Variants in GALNT13 observed in about 807,000 individuals in gnomAD.
GALNT13 encodes the protein polypeptide N-acetylgalactosaminyltransferase 13.
Under a neutral mutation model 64.2 loss-of-function variants are expected in GALNT13, and 28 were observed. The observed-to-expected ratio is 0.44, with a 90% CI of 0.32 to 0.60. The LOEUF is 0.60. Ranked by LOEUF, GALNT13 falls within the 20% of genes least tolerant of loss-of-function variation. The pLI, the probability that GALNT13 is intolerant of heterozygous loss-of-function variation, is 0.05. For missense variants in GALNT13, 577 were observed against 669.8 expected (o/e 0.86, Z 1.53); for synonymous variants, 214 against 224.6 (o/e 0.95, Z 0.42).
In GALNT13 at chr2:154,269,535, A is replaced by G. The variant is rs553136360; in HGVS notation, c.975+10397A>G. On this transcript the variant is annotated intron_variant, in intron 8 of 12. Coordinates refer to ENST00000392825, the MANE Select transcript of GALNT13 (RefSeq NM_052917.4). Reference sequence around the variant, plus strand: ...AATATGATAAATCACTCTCTTAATGATAATATAGAGATTATTAGCCTTTTT... The same window carrying G: ...AATATGATAAATCACTCTCTTAATGGTAATATAGAGATTATTAGCCTTTTT... Among the ~76,000 whole-genome samples, 4 of 151,878 alleles carry G rather than the reference A, an allele frequency of 2.6e-5. No individual in the cohort carries two copies. In the South Asian group the frequency reaches 8.3e-4, roughly 32 times the overall value.
At chr2:153,791,994 T>C in the GALNT13 span, among the ~76,000 whole-genome samples, 1 of 152,144 alleles carries the variant, frequency 6.6e-6, no homozygotes, top group African/African-American at 2.4e-5. Context: ...TGAAATAATC[T>C]GTACAACTAA....
chr2:153,085,036 C>A, the GALNT13 span, among the ~76,000 whole-genome samples: 1 of 152,132 alleles, frequency 6.6e-6, no homozygotes, highest in East Asian at 1.9e-4. Flanking sequence ...CTGAGGTGGT[C>A]TCAGACGGAG....
the GALNT13 span, among the ~76,000 whole-genome samples, chr2:153,726,330 CTT>C: frequency 6.6e-6 from 1 of 151,822 alleles, no homozygotes; most frequent in Non-Finnish European, 1.5e-5. Flanking sequence ...TGACTCGTGT[CTT>C]TTTTAAAAAA....
At chr2:153,773,382 G>A in the GALNT13 span, among the ~76,000 whole-genome samples, 1 of 152,184 alleles carries the variant, frequency 6.6e-6, no homozygotes, top group Non-Finnish European at 1.5e-5. Context: ...CTCTGGGCAG[G>A]TGACATTCTT....
chr2:154,131,566 C>G (rs1682619888), intron 3 of GALNT13, among the ~76,000 whole-genome samples: 1 of 152,142 alleles, frequency 6.6e-6, no homozygotes, highest in African/African-American at 2.4e-5. Context: ...TCCCCAACAT[C>G]TACTGACTCC....
chr2:154,025,677 A>G (rs568734650), intron 3 of GALNT13, among the ~76,000 whole-genome samples: 1 of 152,292 alleles, frequency 6.6e-6, no homozygotes, highest in African/African-American at 2.4e-5. Flanking sequence ...TAGTCAACAA[A>G]TCTTTATTAA....
the GALNT13 span, among the ~76,000 whole-genome samples, chr2:153,144,005 C>T: frequency 2.0e-5 from 3 of 151,954 alleles, no homozygotes; most frequent in Admixed American, 6.6e-5. Flanking sequence ...CACATGAATG[C>T]GTACGAAATA....
chr2:154,366,864 T>C (rs1157306813), intron 9 of GALNT13, among the ~76,000 whole-genome samples: 16 of 152,124 alleles, frequency 1.1e-4, no homozygotes, highest in Non-Finnish European at 1.2e-4. Context: ...CAATTCCAAA[T>C]GTCACTTAAG....
the GALNT13 span, among the ~76,000 whole-genome samples, chr2:153,506,105 C>A: frequency 0.084 from 12,789 of 152,044 alleles, 554 homozygotes; most frequent in South Asian, 0.15. Flanking sequence ...TAATGTCCTT[C>A]TTTGTCTTTT....
chr2:154,138,433 T>C (rs1237927546), intron 3 of GALNT13, among the ~76,000 whole-genome samples: 1 of 152,050 alleles, frequency 6.6e-6, no homozygotes, highest in Non-Finnish European at 1.5e-5. Flanking sequence ...TTCCAAAAAT[T>C]ATTTTTAAAA....
chr2:154,406,065 TTTATCAACATGCAAGAACTCAAGACTA>T (rs1177295969), intron 10 of GALNT13, among the ~76,000 whole-genome samples: 2 of 152,122 alleles, frequency 1.3e-5, no homozygotes, highest in African/African-American at 4.8e-5. Context: ...CACAGATATA[TTTATCAACATGCAAGAACTCAAGACTA>T]TTGTTCCTGG....
At chr2:153,677,284 T>TACAC in the GALNT13 span, among the ~76,000 whole-genome samples, 15,627 of 144,432 alleles carry the variant, frequency 0.11, 909 homozygotes, top group Non-Finnish European at 0.13. Flanking sequence ...ACAATAGACA[T>TACAC]ACACACACAC....
chr2:154,446,325 A>G (rs1360755704), intron 12 of GALNT13, among the ~76,000 whole-genome samples: 1 of 151,990 alleles, frequency 6.6e-6, no homozygotes, highest in Non-Finnish European at 1.5e-5. Context: ...TGCCAAAAAT[A>G]TTTCATTATT....
the GALNT13 span, among the ~76,000 whole-genome samples, chr2:153,323,317 C>T: frequency 6.6e-6 from 1 of 151,958 alleles, no homozygotes; most frequent in African/African-American, 2.4e-5. Context: ...CATTCATATC[C>T]TTCACCCACT....
the GALNT13 span, among the ~76,000 whole-genome samples, chr2:153,806,437 C>T: frequency 6.6e-6 from 1 of 151,964 alleles, no homozygotes. Flanking sequence ...AGAAGCGTGT[C>T]TCTTTATAAT....
intron 11 of GALNT13, among the ~76,000 whole-genome samples, chr2:154,430,323 G>A (rs11901814): frequency 0.024 from 3,654 of 152,202 alleles, 144 homozygotes; most frequent in African/African-American, 0.078. Context: ...AGGAGTTTGG[G>A]AAAAGTTAAT....
chr2:154,226,991 C>G (rs1016082760), intron 4 of GALNT13, among the ~76,000 whole-genome samples: 1 of 152,090 alleles, frequency 6.6e-6, no homozygotes, highest in Non-Finnish European at 1.5e-5. Context: ...GAGAGACGCT[C>G]CTCATTGACC....
At chr2:153,825,607 G>GGTGTGTGTGT in the GALNT13 span, among the ~76,000 whole-genome samples, 172 of 114,894 alleles carry the variant, frequency 1.5e-3, no homozygotes, top group African/African-American at 5.8e-3. Context: ...TTCCATGAGT[G>GGTGTGTGTGT]CTGTGTGTGT....
At position 154,159,099 on chromosome 2, in the gene GALNT13, G is replaced by A. The variant is rs1684589020; in HGVS notation, c.311+18594G>A. ...TAAACATAAGTTCATTTAATGCAGT[G>A]GTCTTTTTTATTATTTATTTTATTT... On this transcript the variant is annotated intron_variant, in intron 4 of 12. Coordinates refer to ENST00000392825, the MANE Select transcript of GALNT13 (RefSeq NM_052917.4). Among the ~76,000 whole-genome samples the A allele has an allele frequency of 4.0e-5, 6 of 151,452 alleles. 1 individual carries two copies. In the South Asian group the frequency reaches 1.3e-3, roughly 32 times the overall value.
Sources: gnomAD v4.1 joint callset for allele counts (sites outside exome capture counted in the v4.1 genomes callset) on GRCh38, gnomAD v4.1.1 for gene constraint, MANE v1.5 for transcripts, NCBI Gene and HGNC (gene_info 2026-07-23, HGNC 2026-07-21) for gene names.